Variants in CLIC5 observed in about 807,000 individuals in gnomAD.
The protein encoded by CLIC5 is CLIC family member 5.
A neutral mutation model predicts 24.7 loss-of-function variants in CLIC5; 20 were observed. The observed-to-expected ratio is 0.81, with a 90% CI of 0.57 to 1.18. The LOEUF (loss-of-function observed/expected upper bound fraction) is 1.18, where lower values mean the gene tolerates loss of function less well. CLIC5 is among the 50% of genes most tolerant of loss of function. The pLI is 0.00. For missense variants in CLIC5, 341 were observed against 326.1 expected, an observed-to-expected ratio of 1.05 and a Z score of -0.35; for synonymous variants, 159 against 135.6, an observed-to-expected ratio of 1.17 and a Z score of -1.20.
intron 1 of CLIC5, among the ~76,000 whole-genome samples, chr6:46,037,828 G>A (rs1022254147): frequency 2.0e-5 from 3 of 152,196 alleles, no homozygotes; most frequent in Non-Finnish European, 4.4e-5. Context: ...GAAGGTACAA[G>A]GGGGCTGAAT....
chr6:46,084,884 C>T (rs1762998523), upstream of CLIC5, among the ~76,000 whole-genome samples: 1 of 152,174 alleles, frequency 6.6e-6, no homozygotes, highest in Admixed American at 6.5e-5. Context: ...AACTTGGTTC[C>T]ATTCTCCCCG....
chr6:46,048,811 G>A (rs1174218871), intron 1 of CLIC5, among the ~76,000 whole-genome samples: 1 of 152,176 alleles, frequency 6.6e-6, no homozygotes, highest in Non-Finnish European at 1.5e-5. Context: ...CCAAGAGCCT[G>A]CAGTGTCATG....
intron 1 of CLIC5, among the ~76,000 whole-genome samples, chr6:46,010,699 C>G (rs1461680758): frequency 6.6e-6 from 1 of 152,194 alleles, no homozygotes; most frequent in Non-Finnish European, 1.5e-5. Context: ...TTCCCACCAC[C>G]CTGCCATGGC....
chr6:46,009,198 T>C (rs1027381366), intron 1 of CLIC5, among the ~76,000 whole-genome samples: 2 of 151,430 alleles, frequency 1.3e-5, no homozygotes, highest in Non-Finnish European at 2.9e-5. Context: ...ACTCTTCCCA[T>C]GCCAGCAGAG....
Position 45,899,320 on chromosome 6 carries a change from G to A in CLIC5, c.*3768C>T, listed in dbSNP as rs2127289168. 6.6e-6 allele frequency: 1 copy of A among 152,310 alleles called. No individual in the cohort carries two copies. The highest frequency in any genetic ancestry group is 6.5e-5 in the Admixed American group (1 of 15,294). 9.4% of individuals were successfully genotyped at this position (152,310 alleles called of 1,614,324 possible). The stretch of plus-strand genomic sequence containing the variant: ...AGAAAGTGATCCCTTGGGAATCATT[G>A]TACTTAGTTTTAACCATGAGTTAAC... On this transcript the variant is annotated 3_prime_UTR_variant, in exon 6 of 6. Transcript: ENST00000339561.
At chr6:46,001,498 C>A (rs1047764679) in intron 1 of CLIC5, among the ~76,000 whole-genome samples, 1 of 152,140 alleles carries the variant, frequency 6.6e-6, no homozygotes, top group African/African-American at 2.4e-5. Flanking sequence ...GCTCCCATAG[C>A]CTCATTCTTG....
chr6:46,015,556 G>A lies in CLIC5; in HGVS notation c.-14C>T. ...CGAGTCTGTCATGCCGTTGGCGCCC[G>A]GGGCTACCGTCCCGGGCCGGGGAGG... On this transcript the variant is annotated 5_prime_UTR_variant, in exon 1 of 6. Coordinates refer to ENST00000339561, the MANE Select transcript of CLIC5 (RefSeq NM_016929.5). 6.4e-7 allele frequency: 1 copy of A among 1,563,572 alleles called. No individual in the cohort carries two copies.
chr6:45,981,594 C>A (rs1271123222), intron 1 of CLIC5, among the ~76,000 whole-genome samples: 1 of 152,218 alleles, frequency 6.6e-6, no homozygotes, highest in Non-Finnish European at 1.5e-5. Flanking sequence ...TTAGTTACCA[C>A]CTCTGTGGGG....
intron 4 of CLIC5, among the ~76,000 whole-genome samples, chr6:45,918,062 G>A (rs72871434): frequency 0.011 from 1,688 of 152,222 alleles, 18 homozygotes; most frequent in Admixed American, 0.031. Context: ...TCCCCTCTCC[G>A]CCTCTGCTCC....
intron 5 of CLIC5, among the ~76,000 whole-genome samples, chr6:45,909,413 A>G (rs1257009431): frequency 6.6e-6 from 1 of 152,154 alleles, no homozygotes; most frequent in East Asian, 1.9e-4. Context: ...GGTAGCAGGT[A>G]TCATTCTTTT....
intron 1 of CLIC5, among the ~76,000 whole-genome samples, chr6:46,054,450 C>T (rs868154896): frequency 1.3e-5 from 2 of 152,204 alleles, no homozygotes; most frequent in Non-Finnish European, 2.9e-5. Flanking sequence ...GGTATAATTT[C>T]ATTTCTCCAG....
At chr6:46,041,736 C>T (rs1406821845) in intron 1 of CLIC5, among the ~76,000 whole-genome samples, 1 of 152,180 alleles carries the variant, frequency 6.6e-6, no homozygotes. Context: ...AGTTACCTAA[C>T]TTCTCTATGC....
At chr6:46,013,645 G>T (rs1173462143) in intron 1 of CLIC5, among the ~76,000 whole-genome samples, 1 of 152,172 alleles carries the variant, frequency 6.6e-6, no homozygotes, top group African/African-American at 2.4e-5. Context: ...GTGCAGTAAG[G>T]TTTTTATATA....
chr6:45,921,473 T>C (rs1763257303), intron 4 of CLIC5, among the ~76,000 whole-genome samples: 1 of 152,214 alleles, frequency 6.6e-6, no homozygotes, highest in African/African-American at 2.4e-5. Context: ...TCCTCAGTTA[T>C]GCTTGTTCAC....
intron 1 of CLIC5, among the ~76,000 whole-genome samples, chr6:45,977,723 AT>A (rs1320729115): frequency 6.6e-6 from 1 of 151,846 alleles, no homozygotes; most frequent in Non-Finnish European, 1.5e-5. Context: ...TGTTCATGTC[AT>A]TTCTCTCTTT....
Position 45,976,419 on chromosome 6 carries a change from A to G in CLIC5, c.64-21175T>C, listed in dbSNP as rs1765386019. Among the ~76,000 whole-genome samples, 3 of 152,130 alleles carry G rather than the reference A, an allele frequency of 2.0e-5. No homozygotes were observed. The South Asian group carries it at 6.2e-4, about 32-fold the overall frequency. The stretch of plus-strand genomic sequence containing the variant: ...GGACTGGGGGAATTCCAGGACTTTC[A>G]GGATTTAAAACTGGGAAGGTCCCTG... On this transcript the variant is annotated intron_variant, in intron 1 of 5. Transcript: ENST00000339561.
At chr6:45,953,013 C>T (rs1014272697) in intron 2 of CLIC5, among the ~76,000 whole-genome samples, 1 of 152,242 alleles carries the variant, frequency 6.6e-6, no homozygotes, top group East Asian at 1.9e-4. Flanking sequence ...ACTTAAAACA[C>T]GATTCCAGTC....
Position 45,955,154 on chromosome 6 carries a change from T to G in CLIC5, c.154A>C (p.Thr52Pro). 6.2e-7 allele frequency: 1 copy of G among 1,612,822 alleles called. No homozygotes were observed. The highest frequency in any genetic ancestry group is 8.5e-7 in the Non-Finnish European group (1 of 1,178,900). Residue 52 changes from threonine to proline, a missense_variant, in exon 2 of 6, where the codon ACC becomes CCC. By Grantham distance (38) the Thr-to-Pro change is conservative. Coordinates refer to ENST00000339561, the MANE Select transcript of CLIC5 (RefSeq NM_016929.5). Reference sequence around the variant, plus strand: ...CGTTACCTTTTCAGATCCACAGTGGTGACATTGAACACGACTCCTTTCAGC... The same window carrying G: ...CGTTACCTTTTCAGATCCACAGTGGGGACATTGAACACGACTCCTTTCAGC... ...LWLKGVVFNV[T>P]TVDLKRKPAD...
intron 1 of CLIC5, among the ~76,000 whole-genome samples, chr6:46,078,646 C>A (rs1468701709): frequency 6.6e-6 from 1 of 152,118 alleles, no homozygotes; most frequent in South Asian, 2.1e-4. Flanking sequence ...ACAGCCCTTT[C>A]CCCCCAAATG....
Sources: gnomAD v4.1 joint callset for allele counts (sites outside exome capture counted in the v4.1 genomes callset) on GRCh38, gnomAD v4.1.1 for gene constraint, MANE v1.5 for transcripts, NCBI Gene and HGNC (gene_info 2026-07-23, HGNC 2026-07-21) for gene names.